The following ADAMTS12 variants were observed in gnomAD, a reference collection of about 807,000 sequenced individuals.
ADAMTS12 encodes A disintegrin and metalloproteinase with thrombospondin motifs 12.
ADAMTS12 carries 118 observed loss-of-function variants against 167.8 expected under a neutral mutation model. The observed-to-expected ratio is 0.70, with a 90% confidence interval of 0.61 to 0.82. The LOEUF (loss-of-function observed/expected upper bound fraction) is 0.82. Among genes scored for constraint, ADAMTS12 ranks in the 40% least tolerant of loss-of-function variants. The probability of loss-of-function intolerance (pLI) is 0.00; values close to 1 mark genes in which losing one functional copy is unlikely to be tolerated. For synonymous variants in ADAMTS12, 704 were observed against 716.9 expected, an observed-to-expected ratio of 0.98 and a Z score of 0.29; for missense variants, 1,916 against 1,998.8, an observed-to-expected ratio of 0.96 and a Z score of 0.79.
chr5:33,844,005 T>C (rs971223341), intron 2 of ADAMTS12, among the ~76,000 whole-genome samples: 1 of 152,248 alleles, frequency 6.6e-6, no homozygotes, highest in Non-Finnish European at 1.5e-5. Context: ...TTTCATAATT[T>C]ATTATGCCTG....
intron 2 of ADAMTS12, among the ~76,000 whole-genome samples, chr5:33,813,849 C>G (rs1266841101): frequency 6.6e-6 from 1 of 152,212 alleles, no homozygotes; most frequent in Admixed American, 6.5e-5. Flanking sequence ...CCCCTGAGCT[C>G]TGCCCAAATT....
intron 2 of ADAMTS12, among the ~76,000 whole-genome samples, chr5:33,875,111 A>C (rs902565930): frequency 6.6e-6 from 1 of 152,242 alleles, no homozygotes; most frequent in Non-Finnish European, 1.5e-5. Context: ...TGTATGCTTT[A>C]CAACTATATG....
At position 33,658,333 on chromosome 5, in the gene ADAMTS12, T is replaced by C; in HGVS notation, c.1041A>G (p.Arg347=). Residue 347 remains arginine (R), a splice_region_variant and synonymous_variant, in exon 7 of 24, where the codon AGA becomes AGG. Coordinates refer to ENST00000504830, the MANE Select transcript of ADAMTS12 (RefSeq NM_030955.4). ...VHHDVAVLLT[R]KDICAGFNRP... ...GATTGAAACCAGCACAGATGTCCTT[T>C]CTGAAAGCAGAGAATACAGAAGCTA... 6.2e-7 allele frequency: 1 copy of C among 1,613,136 alleles called. No homozygotes were observed.
chr5:33,530,991 G>GGT (rs1272751714), intron 23 of ADAMTS12, among the ~76,000 whole-genome samples: 1 of 152,174 alleles, frequency 6.6e-6, no homozygotes, highest in Non-Finnish European at 1.5e-5. Context: ...CTGAACTAGG[G>GGT]TGGGCCCTTC....
intron 2 of ADAMTS12, among the ~76,000 whole-genome samples, chr5:33,830,554 C>G (rs1748260082): frequency 6.6e-6 from 1 of 152,044 alleles, no homozygotes; most frequent in Non-Finnish European, 1.5e-5. Context: ...TTTGGGAGTC[C>G]AAGGCTGGAG....
chr5:33,670,714 C>T (rs1741655760), intron 5 of ADAMTS12, among the ~76,000 whole-genome samples: 1 of 152,308 alleles, frequency 6.6e-6, no homozygotes, highest in Middle Eastern at 3.4e-3. Context: ...TGCACTCCAG[C>T]CTGAACGGCA....
intron 2 of ADAMTS12, among the ~76,000 whole-genome samples, chr5:33,876,290 T>C (rs1750222843): frequency 6.6e-6 from 1 of 152,158 alleles, no homozygotes; most frequent in South Asian, 2.1e-4. Context: ...GACAAGATTA[T>C]TGTAAAATTT....
intron 2 of ADAMTS12, among the ~76,000 whole-genome samples, chr5:33,863,517 C>T (rs1267152660): frequency 6.6e-6 from 1 of 152,198 alleles, no homozygotes; most frequent in Admixed American, 6.5e-5. Context: ...AAGAGAACCA[C>T]AAACCACTGC....
At chr5:33,596,156 C>A in intron 16 of ADAMTS12, 96 bp from the exon 17 acceptor site, 1 of 1,460,500 alleles carries the variant, frequency 6.8e-7, no homozygotes, top group Non-Finnish European at 9.2e-7. Context: ...ATCATGCTGA[C>A]GGCTGATGGG....
At chr5:33,760,877 C>CTGTG (rs1745327494) in intron 2 of ADAMTS12, among the ~76,000 whole-genome samples, 1 of 111,914 alleles carries the variant, frequency 8.9e-6, no homozygotes, top group Admixed American at 1.0e-4. Context: ...TTTGTCTTTG[C>CTGTG]TCTGTGTGTG....
intron 16 of ADAMTS12, among the ~76,000 whole-genome samples, chr5:33,610,576 T>C (rs1188950896): frequency 6.6e-6 from 1 of 152,206 alleles, no homozygotes; most frequent in African/African-American, 2.4e-5. Context: ...TTTACTCCTA[T>C]GATATGGAGA....
intron 3 of ADAMTS12, among the ~76,000 whole-genome samples, chr5:33,695,290 C>T (rs1211319358): frequency 1.3e-5 from 2 of 152,110 alleles, no homozygotes; most frequent in African/African-American, 2.4e-5. Context: ...TGCCTAGTTC[C>T]TCACCCACTA....
At chr5:33,859,861 GGCAAACAAGGTCTGGAGTGGACCTCCA>G (rs1749538067) in intron 2 of ADAMTS12, among the ~76,000 whole-genome samples, 1 of 152,130 alleles carries the variant, frequency 6.6e-6, no homozygotes, top group Non-Finnish European at 1.5e-5. Flanking sequence ...CTAATATCCA[GGCAAACAAGGTCTGGAGTGGACCTCCA>G]GCAAACTGCA....
At chr5:33,573,803 A>T (rs1211611066) in intron 19 of ADAMTS12, among the ~76,000 whole-genome samples, 1 of 152,232 alleles carries the variant, frequency 6.6e-6, no homozygotes, top group Non-Finnish European at 1.5e-5. Context: ...AACAGAGTGA[A>T]CAGGCAACCT....
At chr5:33,703,573 C>T (rs1428193164) in intron 3 of ADAMTS12, among the ~76,000 whole-genome samples, 2 of 152,098 alleles carry the variant, frequency 1.3e-5, no homozygotes, top group African/African-American at 4.8e-5. Flanking sequence ...CCCCCCAATC[C>T]TCTGGTAACC....
intron 3 of ADAMTS12, among the ~76,000 whole-genome samples, chr5:33,718,253 A>G (rs1213234068): frequency 6.6e-6 from 1 of 152,204 alleles, no homozygotes; most frequent in Non-Finnish European, 1.5e-5. Context: ...CTTTGTCCAG[A>G]TAACATGGAT....
intron 22 of ADAMTS12, among the ~76,000 whole-genome samples, chr5:33,540,239 ACAACCTAGCTGGG>A (rs2111780842): frequency 1.3e-5 from 2 of 152,340 alleles, no homozygotes; most frequent in East Asian, 3.9e-4. Context: ...TGGTGAGGTG[ACAACCTAGCTGGG>A]GGAGGGGTGT....
chr5:33,631,057 T>C (rs2112145653), intron 12 of ADAMTS12, 144 bp from the exon 13 acceptor site: 1 of 904,212 alleles, frequency 1.1e-6, no homozygotes, highest in South Asian at 2.0e-5. Context: ...CATGCTGAAA[T>C]ATGCCTCAAG....
chr5:33,743,119 G>A (rs1744653431), intron 3 of ADAMTS12, among the ~76,000 whole-genome samples: 1 of 152,198 alleles, frequency 6.6e-6, no homozygotes, highest in Admixed American at 6.5e-5. Flanking sequence ...AACAGCCAGG[G>A]CAAAGGCCCT....
Sources: gnomAD v4.1 joint callset for allele counts (sites outside exome capture counted in the v4.1 genomes callset) on GRCh38, gnomAD v4.1.1 for gene constraint, MANE v1.5 for transcripts, NCBI Gene and HGNC (gene_info 2026-07-23, HGNC 2026-07-21) for gene names.